The following MACROD2 variants were observed in gnomAD, a reference collection of about 807,000 sequenced individuals.
MACROD2 encodes the protein mono-ADP ribosylhydrolase 2.
A neutral mutation model predicts 70.4 loss-of-function variants in MACROD2; 36 were observed. The observed-to-expected ratio is 0.51, with a 90% CI of 0.39 to 0.68. The LOEUF (loss-of-function observed/expected upper bound fraction) is 0.68, where lower values mean the gene tolerates loss of function less well. Among genes scored for constraint, MACROD2 ranks in the 30% least tolerant of loss-of-function variants. The pLI, the probability that MACROD2 is intolerant of heterozygous loss-of-function variation, is 0.00. For missense variants in MACROD2, 496 were observed against 538.4 expected, an observed-to-expected ratio of 0.92 and a Z score of 0.78; for synonymous variants, 172 against 178.8, an observed-to-expected ratio of 0.96 and a Z score of 0.30.
intron 6 of MACROD2, among the ~76,000 whole-genome samples, chr20:15,243,779 A>G (rs780669835): frequency 1.3e-5 from 2 of 151,714 alleles, no homozygotes; most frequent in Non-Finnish European, 2.9e-5. Context: ...AAAGAAAATT[A>G]GCGGGGCGTA....
At chr20:14,188,669 TG>T in intron 3 of MACROD2, among the ~76,000 whole-genome samples, 1 of 152,276 alleles carries the variant, frequency 6.6e-6, no homozygotes, top group Admixed American at 6.5e-5. Flanking sequence ...AAGATACCGC[TG>T]CAAGATATTG....
At chr20:15,540,086 G>A (rs2047935108) in intron 8 of MACROD2, among the ~76,000 whole-genome samples, 1 of 152,180 alleles carries the variant, frequency 6.6e-6, no homozygotes, top group Non-Finnish European at 1.5e-5. Context: ...TCCACATGTT[G>A]GGCATAGAGA....
At chr20:15,855,214 A>T (rs993521759) in intron 8 of MACROD2, among the ~76,000 whole-genome samples, 1 of 152,228 alleles carries the variant, frequency 6.6e-6, no homozygotes, top group Non-Finnish European at 1.5e-5. Context: ...AGATACTCCA[A>T]ACCTGCTTCG....
intron 4 of MACROD2, among the ~76,000 whole-genome samples, chr20:14,507,587 G>C (rs977026692): frequency 6.6e-6 from 1 of 152,098 alleles, no homozygotes; most frequent in Non-Finnish European, 1.5e-5. Flanking sequence ...TAGAAACTAT[G>C]ACTGAGTGTC....
rs187593684 is a variant in MACROD2 at position 15,218,848 on chromosome 20, A to G, written c.419-11092A>G. ...ATCATGAGGTCAGGAGATCAACACC[A>G]TCCTGGCTAACATGGTGAAACACTT... On this transcript the variant is annotated intron_variant, in intron 5 of 17. Transcript: ENST00000684519. 2.7e-3 allele frequency among the ~76,000 whole-genome samples: 395 copies of G among 143,852 alleles called. 1 individual carries two copies. Among genetic ancestry groups the G allele is most frequent in the African/African-American group, 9.9e-3 (368 of 37,290 alleles). The allele number at this position is 143,852 out of a possible 152,430, so 94.4% of individuals were successfully genotyped here. A position where few individuals can be genotyped will look rare whatever the true frequency, so the allele number is the denominator to read the frequency against.
At chr20:15,546,445 T>G (rs1157611697) in intron 8 of MACROD2, among the ~76,000 whole-genome samples, 1 of 152,208 alleles carries the variant, frequency 6.6e-6, no homozygotes, top group Non-Finnish European at 1.5e-5. Context: ...GATAGAATCT[T>G]GATGTGACAG....
intron 4 of MACROD2, among the ~76,000 whole-genome samples, chr20:14,514,483 G>A (rs2085068544): frequency 6.6e-6 from 1 of 152,122 alleles, no homozygotes; most frequent in African/African-American, 2.4e-5. Context: ...AAAAAGAGTA[G>A]AGTTTCTGTG....
intron 5 of MACROD2, among the ~76,000 whole-genome samples, chr20:14,883,809 A>G (rs2073638814): frequency 6.6e-6 from 1 of 152,148 alleles, no homozygotes; most frequent in Admixed American, 6.5e-5. Flanking sequence ...TTCACTTACA[A>G]AATGAAAAGA....
At chr20:14,123,916 A>G (rs2054614606) in intron 3 of MACROD2, among the ~76,000 whole-genome samples, 1 of 152,042 alleles carries the variant, frequency 6.6e-6, no homozygotes, top group Admixed American at 6.6e-5. Context: ...ATCTTTCCCT[A>G]GTGGTATTTA....
intron 3 of MACROD2, among the ~76,000 whole-genome samples, chr20:14,112,640 G>A (rs1010996766): frequency 6.6e-6 from 1 of 151,726 alleles, no homozygotes; most frequent in East Asian, 1.9e-4. Context: ...TTTTATTTGT[G>A]ACTTTTAAGC....
intron 5 of MACROD2, among the ~76,000 whole-genome samples, chr20:15,162,373 T>C (rs868182784): frequency 6.6e-6 from 1 of 152,108 alleles, no homozygotes; most frequent in South Asian, 2.1e-4. Context: ...CGTTTGAATC[T>C]GAGATGTTTG....
At chr20:14,652,743 C>T (rs555125818) in intron 4 of MACROD2, among the ~76,000 whole-genome samples, 1 of 152,200 alleles carries the variant, frequency 6.6e-6, no homozygotes, top group African/African-American at 2.4e-5. Context: ...GAAAATAGAT[C>T]TTTTCTGTTT....
chr20:14,231,902 A>AT (rs1162237760), intron 3 of MACROD2, among the ~76,000 whole-genome samples: 1 of 152,046 alleles, frequency 6.6e-6, no homozygotes, highest in Non-Finnish European at 1.5e-5. Flanking sequence ...GATGATGAGC[A>AT]TTTTTTCATG....
intron 6 of MACROD2, among the ~76,000 whole-genome samples, chr20:15,362,008 C>CTTT (rs34029805): frequency 4.0e-4 from 57 of 142,484 alleles, no homozygotes; most frequent in African/African-American, 1.2e-3. Context: ...TTATTTCTTC[C>CTTT]TTTTTTTTTT....
At chr20:14,748,391 A>G (rs1310751343) in intron 5 of MACROD2, among the ~76,000 whole-genome samples, 1 of 152,134 alleles carries the variant, frequency 6.6e-6, no homozygotes. Context: ...CAAGACAGAG[A>G]CTATGAATTA....
intron 8 of MACROD2, among the ~76,000 whole-genome samples, chr20:15,568,317 C>T (rs1298824294): frequency 1.3e-5 from 2 of 152,182 alleles, no homozygotes; most frequent in African/African-American, 4.8e-5. Flanking sequence ...GTATACAACA[C>T]ATTGTTTTCC....
At chr20:14,251,130 G>A (rs983704709) in intron 3 of MACROD2, among the ~76,000 whole-genome samples, 1 of 152,130 alleles carries the variant, frequency 6.6e-6, no homozygotes, top group African/African-American at 2.4e-5. Context: ...GAGGACCTAT[G>A]TACTATCAGA....
chr20:15,002,895 T>C (rs78613630), intron 5 of MACROD2, among the ~76,000 whole-genome samples: 6,039 of 152,280 alleles, frequency 0.04, 368 homozygotes, highest in African/African-American at 0.14. Flanking sequence ...TTAAAAAATA[T>C]GAAATTTTTC....
At chr20:14,381,198 A>T (rs2083417770) in intron 3 of MACROD2, among the ~76,000 whole-genome samples, 1 of 152,192 alleles carries the variant, frequency 6.6e-6, no homozygotes, top group Non-Finnish European at 1.5e-5. Flanking sequence ...CCTAATATGA[A>T]TATTCATATC....
Sources: allele counts gnomAD v4.1 joint callset (sites outside exome capture counted in the v4.1 genomes callset), GRCh38; gene constraint gnomAD v4.1.1; transcripts MANE v1.5; gene names NCBI Gene and HGNC (gene_info 2026-07-23, HGNC 2026-07-21).